ARID1B: variants seen among roughly 807,000 people sequenced by gnomAD.
ARID1B encodes AT-rich interaction domain 1B.
A neutral mutation model predicts 212.3 loss-of-function variants in ARID1B; 30 were observed. The observed-to-expected ratio is 0.14, with a 90% CI of 0.11 to 0.19. The LOEUF (loss-of-function observed/expected upper bound fraction) is 0.19. Among genes scored for constraint, ARID1B ranks in the 10% least tolerant of loss-of-function variants. The pLI is 1.00. For missense variants in ARID1B, 2,891 were observed against 3,204.0 expected (o/e 0.90, Z 2.36); for synonymous variants, 1,402 against 1,301.7 (o/e 1.08, Z -1.66).
intron 2 of ARID1B, among the ~76,000 whole-genome samples, chr6:156,833,327 C>T (rs915015593): frequency 2.0e-5 from 3 of 152,062 alleles, no homozygotes; most frequent in African/African-American, 7.2e-5. Flanking sequence ...ACACCTAGGC[C>T]TTTACCAACT....
chr6:157,112,282 CCT>C (rs1786978138), intron 6 of ARID1B, among the ~76,000 whole-genome samples: 1 of 152,200 alleles, frequency 6.6e-6, no homozygotes, highest in Non-Finnish European at 1.5e-5. Context: ...TGTGTTAACT[CCT>C]CATATGGCTC....
At chr6:156,795,623 G>A (rs1780313001) in intron 1 of ARID1B, among the ~76,000 whole-genome samples, 1 of 152,060 alleles carries the variant, frequency 6.6e-6, no homozygotes, top group Non-Finnish European at 1.5e-5. Context: ...GTAGCCACAC[G>A]GTCATTTTGG....
intron 2 of ARID1B, among the ~76,000 whole-genome samples, chr6:156,841,320 C>T (rs1191550320): frequency 6.6e-6 from 1 of 152,144 alleles, no homozygotes; most frequent in Non-Finnish European, 1.5e-5. Context: ...GAGGTCATGG[C>T]TACGGCTGGA....
At chr6:156,861,191 G>T (rs193028444) in intron 2 of ARID1B, among the ~76,000 whole-genome samples, 17 of 152,264 alleles carry the variant, frequency 1.1e-4, no homozygotes, top group Admixed American at 2.6e-4. Flanking sequence ...TGGTGGGGAG[G>T]GGGGACAGGC....
intron 7 of ARID1B, among the ~76,000 whole-genome samples, chr6:157,141,948 C>T (rs1368699589): frequency 6.6e-6 from 1 of 152,188 alleles, no homozygotes; most frequent in Non-Finnish European, 1.5e-5. Flanking sequence ...CATATTCCTA[C>T]CACACAAAGA....
At chr6:156,880,754 A>G (rs1286349896) in intron 2 of ARID1B, among the ~76,000 whole-genome samples, 11 of 95,434 alleles carry the variant, frequency 1.2e-4, no homozygotes, top group South Asian at 3.0e-4. Flanking sequence ...AAAAAAAAAA[A>G]AAAAAAAAAA....
chr6:157,089,531 CT>C (rs142614873), intron 5 of ARID1B, among the ~76,000 whole-genome samples: 2 of 152,234 alleles, frequency 1.3e-5, no homozygotes, highest in Non-Finnish European at 2.9e-5. Context: ...GATTCTCTCC[CT>C]TTGTTTGCAC....
rs181624010 is a variant in ARID1B at position 157,098,818 on chromosome 6, C to T, written c.2492-11654C>T. On this transcript the variant is annotated intron_variant, in intron 5 of 19. Transcript: ENST00000636930. ...GGGACCCAGGCTGAGCTGTGCCAGC[C>T]GCCACCCTGAGAGTTGTGCCTCAGT... Among the ~76,000 whole-genome samples, 42 of 152,270 alleles carry T rather than the reference C, an allele frequency of 2.8e-4. 2 individuals are homozygous for T. The East Asian group carries it at 6.9e-3, about 25-fold the overall frequency.
chr6:156,936,475 A>G (rs1415318763), intron 4 of ARID1B: 1 of 151,882 alleles, frequency 6.6e-6, no homozygotes, highest in Non-Finnish European at 1.5e-5. Flanking sequence ...AATAGTTCAT[A>G]TCTACTTAAT....
chr6:157,200,182 C>T lies in ARID1B; in HGVS notation c.4480-523C>T, dbSNP rs1248083585. The stretch of plus-strand genomic sequence containing the variant: ...TTGGGGGAGCCACACCTGACCAGGC[C>T]AGAAGTCAGGGCAGGAGCCGTGGGA... On this transcript the variant is annotated intron_variant, in intron 17 of 19. Transcript: ENST00000636930. This position sits in a 1 kb window ranked among gnomAD's most constrained non-coding sequence, Gnocchi z 4.3. 6.6e-6 allele frequency among the ~76,000 whole-genome samples: 1 copy of T among 152,072 alleles called. No individual in the cohort carries two copies. Among genetic ancestry groups the T allele is most frequent in the Non-Finnish European group, 1.5e-5 (1 of 67,998 alleles).
rs868518475 is a variant in ARID1B at position 157,196,017 on chromosome 6, C to T, written c.4232-148C>T. The T allele has an allele frequency of 5.1e-5, 49 of 957,978 alleles. No homozygotes were observed. The Middle Eastern group carries it at 9.5e-4, about 19-fold the overall frequency. The allele number at this position is 957,978 out of a possible 1,614,324, so 59.3% of individuals were successfully genotyped here. On this transcript the variant is annotated intron_variant, in intron 15 of 19. Coordinates refer to ENST00000636930, the MANE Select transcript of ARID1B (RefSeq NM_001374828.1). ...CAGAGGTTGCAGTGAGCCAAGATCA[C>T]ACCACTGCATTAGCCTGGGCGACAG...
At chr6:156,787,975 C>G (rs1779756816) in intron 1 of ARID1B, among the ~76,000 whole-genome samples, 1 of 152,084 alleles carries the variant, frequency 6.6e-6, no homozygotes, top group Non-Finnish European at 1.5e-5. Context: ...TCATGGATGT[C>G]TATCTGTGGC....
chr6:156,935,736 G>C lies in ARID1B; in HGVS notation c.2247+160G>C, dbSNP rs531637426. On this transcript the variant is annotated intron_variant, in intron 4 of 19. Transcript: ENST00000636930. ...ATTTTTCAAGGTTTACCTTTTAGGA[G>C]CTCTGTAGTCCTGGATAAGTCTATT... 1.2e-5 allele frequency: 7 copies of C among 606,602 alleles called. No individual in the cohort carries two copies. The African/African-American group carries it at 1.3e-4, about 11-fold the overall frequency. 37.6% of individuals were successfully genotyped at this position (606,602 alleles called of 1,614,324 possible). A position where few individuals can be genotyped will look rare whatever the true frequency, so the allele number is the denominator to read the frequency against.
rs1794268146 is a variant in ARID1B at position 157,203,798 on chromosome 6, T to C, written c.5264-68T>C. ...ACTCCACTTATTTTTTCTTACTCTTTCGTTAACTTTCGTTCTTTCATGCAT... is the reference window on the plus strand; with the variant it reads ...ACTCCACTTATTTTTTCTTACTCTTCCGTTAACTTTCGTTCTTTCATGCAT... On this transcript the variant is annotated intron_variant, in intron 18 of 19. Transcript: ENST00000636930. This position sits in a 1 kb window ranked among gnomAD's most constrained non-coding sequence, Gnocchi z 4.4. 6.4e-7 allele frequency: 1 copy of C among 1,568,478 alleles called. No homozygotes were observed. The highest frequency in any genetic ancestry group is 8.7e-7 in the Non-Finnish European group (1 of 1,143,560).
At chr6:157,161,563 T>G (rs1790950000) in intron 8 of ARID1B, among the ~76,000 whole-genome samples, 1 of 152,000 alleles carries the variant, frequency 6.6e-6, no homozygotes, top group African/African-American at 2.4e-5. Flanking sequence ...ACCATGTAAT[T>G]CGGGTTGAAA....
intron 2 of ARID1B, among the ~76,000 whole-genome samples, chr6:156,864,345 G>A (rs1446785961): frequency 6.6e-6 from 1 of 152,198 alleles, no homozygotes; most frequent in Non-Finnish European, 1.5e-5. Flanking sequence ...CGGGCAGTGA[G>A]TATACCTTCC....
At position 157,133,103 on chromosome 6, in the gene ARID1B, C is replaced by T. The variant is rs2128585514; in HGVS notation, c.2657C>T (p.Pro886Leu). The T allele has an allele frequency of 6.2e-7, 1 of 1,614,204 alleles. No homozygotes were observed. Among genetic ancestry groups the T allele is most frequent in the Non-Finnish European group, 8.5e-7 (1 of 1,180,048 alleles). ...GPQQTGPSMS[P>L]HPSPGGQMHA... ...CAACAGACAGGACCATCCATGTCGC[C>T]TCATCCTTCTCCTGGGGGCCAGATG... The change falls in exon 7 of 20, where the codon CCT becomes CTT. Residue 886 changes from proline to leucine, a missense_variant. Physicochemically the swap from Pro to Leu is moderately conservative, Grantham distance 98. Around this residue, in one of 7 missense-constraint regions of ARID1B, gnomAD observed 1,643 missense variants for 1,544.0 expected, o/e 1.06. Coordinates refer to ENST00000636930, the MANE Select transcript of ARID1B (RefSeq NM_001374828.1).
At chr6:157,038,992 G>A (rs12199237) in intron 4 of ARID1B, among the ~76,000 whole-genome samples, 1 of 151,422 alleles carries the variant, frequency 6.6e-6, no homozygotes, top group African/African-American at 2.4e-5. Flanking sequence ...CAGCCTCAAC[G>A]TCCCAGGCTC....
chr6:157,198,864 C>T lies in ARID1B; in HGVS notation c.4436C>T (p.Pro1479Leu), dbSNP rs577211667. ...YPGQGPPSGQ[P>L]PYGGHQPGLY... ...GGCCAAGGCCCTCCCTCGGGACAGC[C>T]GCCGTATGGAGGGCACCAGCCCGGC... The change falls in exon 17 of 20, where the codon CCG (proline) becomes CTG (leucine). Residue 1479 changes from proline to leucine, a missense_variant. By Grantham distance (98) the Pro-to-Leu change is moderately conservative (BLOSUM62 -3). Transcript: ENST00000636930. The T allele has an allele frequency of 1.7e-5, 27 of 1,611,296 alleles. No individual in the cohort carries two copies. The highest frequency in any genetic ancestry group is 1.3e-4 in the South Asian group (12 of 90,292).
Sources: allele counts gnomAD v4.1 joint callset (sites outside exome capture counted in the v4.1 genomes callset), GRCh38; gene constraint gnomAD v4.1.1; regional missense constraint gnomAD v4.1.1; non-coding constraint Gnocchi (gnomAD v3.1); transcripts MANE v1.5; gene names NCBI Gene and HGNC (gene_info 2026-07-23, HGNC 2026-07-21).